Variants in TTC38 observed in about 807,000 individuals in gnomAD.
TTC38 encodes tetratricopeptide repeat protein 38.
Under a neutral mutation model 64.2 loss-of-function variants are expected in TTC38, and 64 were observed. The observed-to-expected ratio is 1.00, with a 90% CI of 0.81 to 1.23. The LOEUF (loss-of-function observed/expected upper bound fraction) is 1.23. TTC38 is among the 50% of genes most tolerant of loss of function. The probability of loss-of-function intolerance (pLI) is 0.00; values close to 1 mark genes in which losing one functional copy is unlikely to be tolerated. For missense variants in TTC38, 573 were observed against 615.5 expected, an observed-to-expected ratio of 0.93 and a Z score of 0.73; for synonymous variants, 254 against 249.3, an observed-to-expected ratio of 1.02 and a Z score of -0.18.
intron 11 of TTC38, among the ~76,000 whole-genome samples, chr22:46,289,019 G>A (rs2077592304): frequency 6.6e-6 from 1 of 152,256 alleles, no homozygotes; most frequent in African/African-American, 2.4e-5. Flanking sequence ...GGTGAGGGCT[G>A]ACCTGGAGGA....
At chr22:46,283,914 G>A (rs1201429938) in intron 7 of TTC38, 59 bp from the exon 8 acceptor site, 3 of 597,626 alleles carry the variant, frequency 5.0e-6, no homozygotes, top group South Asian at 1.7e-5. Context: ...AACAACATTT[G>A]TTTTTTTCCC....
intron 9 of TTC38, among the ~76,000 whole-genome samples, chr22:46,285,848 A>G (rs1412362454): frequency 2.0e-5 from 3 of 151,812 alleles, no homozygotes; most frequent in African/African-American, 7.3e-5. Context: ...CGCTGTCTCT[A>G]CTAAAAATAC....
rs1936938912 is a variant in TTC38, at chr22:46,273,442, AC to A, written c.194-451del. On this transcript the variant is annotated intron_variant, in intron 3 of 13. Coordinates refer to ENST00000381031, the MANE Select transcript of TTC38 (RefSeq NM_017931.4). This position sits in a 1 kb window ranked among gnomAD's most constrained non-coding sequence, Gnocchi z 5.1. The stretch of plus-strand genomic sequence containing the variant: ...CTGCTGCGAGGGCCACAAGGCACTC[AC>A]CCCCACCCTAACTTTTAGCATGTGT... Among the ~76,000 whole-genome samples, 1 of 152,170 alleles carries A rather than the reference AC, an allele frequency of 6.6e-6. No individual in the cohort carries two copies. Among genetic ancestry groups the A allele is most frequent in the South Asian group, 2.1e-4 (1 of 4,836 alleles).
Position 46,288,547 on chromosome 22 carries a change from G to A in TTC38, c.1041G>A (p.Gln347=). The A allele has an allele frequency of 6.2e-7, 1 of 1,613,838 alleles. No individual in the cohort carries two copies. Residue 347 remains glutamine, a synonymous_variant, in exon 11 of 14, where the codon CAG becomes CAA. Transcript: ENST00000381031. ...CATCCCTGGGTGCACACGACCCCCA[G>A]ACCACACAGGAGCTGCTGACCACCC... The part of the protein sequence containing the change: ...LMASLGAHDP[Q]TTQELLTTLR...
At position 46,270,219 on chromosome 22, in the gene TTC38, T is replaced by C. The variant is rs1425567825; in HGVS notation, c.111+1628T>C. 6.6e-6 allele frequency among the ~76,000 whole-genome samples: 1 copy of C among 152,138 alleles called. No individual in the cohort carries two copies. The highest frequency in any genetic ancestry group is 1.5e-5 in the Non-Finnish European group (1 of 68,030). ...TGTGTTAGAACTTGGCTTCTTTAAATCTCTGTGCCAACCCTCCTGTATCTT... is the reference window on the plus strand; with the variant it reads ...TGTGTTAGAACTTGGCTTCTTTAAACCTCTGTGCCAACCCTCCTGTATCTT... On this transcript the variant is annotated intron_variant, in intron 2 of 13. Coordinates refer to ENST00000381031, the MANE Select transcript of TTC38 (RefSeq NM_017931.4). This position sits in a 1 kb window ranked among gnomAD's most constrained non-coding sequence, Gnocchi z 4.7.
In TTC38 at chr22:46,272,348, C is replaced by A. The variant is rs374164370; in HGVS notation, c.125C>A (p.Thr42Asn). 5 of 1,613,614 alleles carry A rather than the reference C, an allele frequency of 3.1e-6. No homozygotes were observed. In the African/African-American group the frequency reaches 6.7e-5, roughly 22 times the overall value. The part of the protein sequence containing the change: ...DATLTQYVKW[T>N]NDKSLGGIEG... ...TTCCCATTTCAGTATGTAAAATGGA[C>A]CAATGACAAGAGTCTCGGTGGCATC... Residue 42 changes from threonine to asparagine, a missense_variant, in exon 3 of 14, where the codon ACC becomes AAC. Coordinates refer to ENST00000381031, the MANE Select transcript of TTC38 (RefSeq NM_017931.4). The surrounding 1 kb of genome is among the most constrained non-coding windows in gnomAD (Gnocchi z 6.4).
chr22:46,289,782 C>G, intron 12 of TTC38, 44 bp from the exon 13 acceptor site: 1 of 1,600,334 alleles, frequency 6.2e-7, no homozygotes. Flanking sequence ...TCGCCTCCCC[C>G]ATCCTGAGGT....
chr22:46,285,838 C>T (rs373345956), intron 9 of TTC38, among the ~76,000 whole-genome samples: 12 of 151,524 alleles, frequency 7.9e-5, no homozygotes, highest in South Asian at 2.1e-4. Context: ...CATGGTGAAA[C>T]GCTGTCTCTA....
At chr22:46,287,263 TC>T in intron 10 of TTC38, 109 bp downstream of exon 10, 1 of 906,438 alleles carries the variant, frequency 1.1e-6, no homozygotes, top group Non-Finnish European at 1.6e-6. Flanking sequence ...GGTGAGCCGC[TC>T]CAGACCCCTC....
rs761672506 is a variant in TTC38 at position 46,274,040 on chromosome 22, C to T, written c.336C>T (p.His112=). 4.3e-6 allele frequency: 7 copies of T among 1,613,298 alleles called. No individual in the cohort carries two copies. Among genetic ancestry groups the T allele is most frequent in the Admixed American group, 3.3e-5 (2 of 59,970 alleles). ...TQPLTRREQL[H]VSAVETFANG... ...CGCTGACAAGGCGGGAGCAGCTGCA[C>T]GTGTCTGCAGTAGAGACATTTGCCA... Residue 112 remains histidine (H), a synonymous_variant, in exon 4 of 14, where the codon CAC becomes CAT. Coordinates refer to ENST00000381031, the MANE Select transcript of TTC38 (RefSeq NM_017931.4). The surrounding 1 kb of genome is among the most constrained non-coding windows in gnomAD (Gnocchi z 4.8).
rs7288821 is a variant in TTC38 at position 46,270,678 on chromosome 22, T to C, written c.112-1657T>C. On this transcript the variant is annotated intron_variant, in intron 2 of 13. Coordinates refer to ENST00000381031, the MANE Select transcript of TTC38 (RefSeq NM_017931.4). The surrounding 1 kb of genome is among the most constrained non-coding windows in gnomAD (Gnocchi z 4.7). ...TGAAACCCTGTCTCTACTAAAAATA[T>C]AAAAAAATTAGCCGGGCATGGTGGC... Among the ~76,000 whole-genome samples, 36,202 of 151,652 alleles carry C rather than the reference T, an allele frequency of 0.24. 6,580 individuals are homozygous for C. Among genetic ancestry groups the C allele is most frequent in the African/African-American group, 0.51 (21,136 of 41,364 alleles).
rs917257767 is a variant in TTC38 at position 46,273,007 on chromosome 22, G to A, written c.193+591G>A. On this transcript the variant is annotated intron_variant, in intron 3 of 13. Coordinates refer to ENST00000381031, the MANE Select transcript of TTC38 (RefSeq NM_017931.4). The surrounding 1 kb of genome is among the most constrained non-coding windows in gnomAD (Gnocchi z 5.1). Reference sequence around the variant, plus strand: ...TGGGAGAAGGTCTGATGAGGGGACAGGGCTCTTGTCAGTGCGGCAGGGACA... The same window carrying A: ...TGGGAGAAGGTCTGATGAGGGGACAAGGCTCTTGTCAGTGCGGCAGGGACA... Among the ~76,000 whole-genome samples the A allele has an allele frequency of 6.6e-6, 1 of 152,202 alleles. No individual in the cohort carries two copies. Among genetic ancestry groups the A allele is most frequent in the African/African-American group, 2.4e-5 (1 of 41,454 alleles).
chr22:46,285,840 C>T (rs182613993), intron 9 of TTC38, among the ~76,000 whole-genome samples: 6 of 151,844 alleles, frequency 4.0e-5, no homozygotes, highest in African/African-American at 1.4e-4. Context: ...TGGTGAAACG[C>T]TGTCTCTACT....
Position 46,291,619 on chromosome 22 carries a change from G to T in TTC38, c.1317-1172G>T, listed in dbSNP as rs1217137301. Among the ~76,000 whole-genome samples the T allele has an allele frequency of 6.6e-6, 1 of 152,194 alleles. No homozygotes were observed. The highest frequency in any genetic ancestry group is 2.4e-5 in the African/African-American group (1 of 41,458). ...CCCTCTAGAACCACTGTTTTCAGGTGTTTGGGGGCTGTCTTAGTCAGTTTG... is the reference window on the plus strand; with the variant it reads ...CCCTCTAGAACCACTGTTTTCAGGTTTTTGGGGGCTGTCTTAGTCAGTTTG... On this transcript the variant is annotated intron_variant, in intron 13 of 13. Transcript: ENST00000381031. This position sits in a 1 kb window ranked among gnomAD's most constrained non-coding sequence, Gnocchi z 4.6.
Position 46,278,646 on chromosome 22 carries a change from A to G in TTC38, c.600A>G (p.Glu200=), listed in dbSNP as rs2077510920. ...LMETNFYDQA[E]KLAKEALSIN... is the part of the protein sequence containing the mutation. ...AAACCAACTTCTACGACCAGGCAGA[A>G]AAACTCGCCAAAGAGGTAAGTGGGT... The change falls in exon 6 of 14, where the codon GAA becomes GAG. Residue 200 remains glutamate, a synonymous_variant. Coordinates refer to ENST00000381031, the MANE Select transcript of TTC38 (RefSeq NM_017931.4). 1 of 1,614,152 alleles carries G rather than the reference A, an allele frequency of 6.2e-7. No individual in the cohort carries two copies. Among genetic ancestry groups the G allele is most frequent in the Non-Finnish European group, 8.5e-7 (1 of 1,179,998 alleles).
chr22:46,268,386 A>C (rs1936809402), intron 1 of TTC38, 128 bp from the exon 2 acceptor site: 2 of 1,013,184 alleles, frequency 2.0e-6, no homozygotes, highest in African/African-American at 1.6e-5. Context: ...CCGGCCCAGG[A>C]CTGGGAGCCT....
intron 7 of TTC38, 78 bp from the exon 8 acceptor site, chr22:46,283,895 T>TTAGC: frequency 2.6e-6 from 2 of 783,054 alleles, no homozygotes; most frequent in Non-Finnish European, 4.0e-6. Context: ...GGTTTCTGCA[T>TTAGC]TAGCACAAAA....
At position 46,273,895 on chromosome 22, in the gene TTC38, C is replaced by G. The variant is rs1936949836; in HGVS notation, c.194-3C>G. 1 of 1,613,956 alleles carries G rather than the reference C, an allele frequency of 6.2e-7. No homozygotes were observed. Among genetic ancestry groups the G allele is most frequent in the African/African-American group, 1.3e-5 (1 of 74,922 alleles). Reference sequence around the variant, plus strand: ...CACCAGCCGTTCTCTAACCTCCCACCAGTGATGGGCCACGCCATGGCTACT... The same window carrying G: ...CACCAGCCGTTCTCTAACCTCCCACGAGTGATGGGCCACGCCATGGCTACT... On this transcript the variant is annotated splice_region_variant and splice_polypyrimidine_tract_variant and intron_variant, in intron 3 of 13. Transcript: ENST00000381031. This position sits in a 1 kb window ranked among gnomAD's most constrained non-coding sequence, Gnocchi z 5.1.
At chr22:46,278,169 A>G (rs2077507160) in intron 5 of TTC38, among the ~76,000 whole-genome samples, 1 of 152,200 alleles carries the variant, frequency 6.6e-6, no homozygotes, top group African/African-American at 2.4e-5. Context: ...AGCAGCAGAC[A>G]GGTACTCACA....
Sources: allele counts gnomAD v4.1 joint callset (sites outside exome capture counted in the v4.1 genomes callset), GRCh38; gene constraint gnomAD v4.1.1; non-coding constraint Gnocchi (gnomAD v3.1); transcripts MANE v1.5; gene names NCBI Gene and HGNC (gene_info 2026-07-23, HGNC 2026-07-21).